The following MSRB3 variants were observed in gnomAD, a reference collection of about 807,000 sequenced individuals.
MSRB3 encodes methionine sulfoxide reductase B3, also known as methionine-R-sulfoxide reductase B3.
Under a neutral mutation model 21.0 loss-of-function variants are expected in MSRB3, and 13 were observed. The observed-to-expected ratio is 0.62, with a 90% CI of 0.40 to 0.98. The LOEUF (loss-of-function observed/expected upper bound fraction) is 0.98. Ranked by LOEUF, MSRB3 falls within the 50% of genes least tolerant of loss-of-function variation. MSRB3 has a pLI of 0.00. For synonymous variants in MSRB3, 87 were observed against 88.6 expected (o/e 0.98, Z 0.10); for missense variants, 199 against 230.3 (o/e 0.86, Z 0.88).
intron 5 of MSRB3, among the ~76,000 whole-genome samples, chr12:65,436,841 A>G (rs531182555): frequency 6.6e-6 from 1 of 151,926 alleles, no homozygotes; most frequent in Admixed American, 6.6e-5. Flanking sequence ...AGGATTTAGA[A>G]GAAAGAATTT....
intron 5 of MSRB3, among the ~76,000 whole-genome samples, chr12:65,398,848 A>G (rs1343557957): frequency 2.0e-5 from 3 of 152,154 alleles, no homozygotes; most frequent in Admixed American, 6.5e-5. Context: ...TCCCAACACC[A>G]TCTATTAAAT....
At chr12:65,287,791 C>A (rs1232904768) in intron 1 of MSRB3, among the ~76,000 whole-genome samples, 3 of 152,068 alleles carry the variant, frequency 2.0e-5, no homozygotes, top group African/African-American at 7.2e-5. Flanking sequence ...CGTGCAGAGC[C>A]ACTTGAAAAA....
intron 1 of MSRB3, among the ~76,000 whole-genome samples, chr12:65,295,057 C>T (rs1044936891): frequency 1.3e-5 from 2 of 152,162 alleles, no homozygotes; most frequent in Non-Finnish European, 2.9e-5. Context: ...TCTTGCACTC[C>T]TGGCCTTAAG....
intron 5 of MSRB3, among the ~76,000 whole-genome samples, chr12:65,369,351 T>G (rs891034824): frequency 1.3e-5 from 2 of 152,194 alleles, no homozygotes; most frequent in Non-Finnish European, 2.9e-5. Context: ...CCTGAGTGAT[T>G]TGAAAATTCT....
At chr12:65,328,742 A>T in intron 4 of MSRB3, 139 bp downstream of exon 4, 3 of 695,618 alleles carry the variant, frequency 4.3e-6, no homozygotes, top group Non-Finnish European at 7.7e-6. Flanking sequence ...CCAACAAAAC[A>T]AAAGTAATTA....
intron 5 of MSRB3, among the ~76,000 whole-genome samples, chr12:65,379,477 A>G (rs1878824411): frequency 6.6e-6 from 1 of 152,156 alleles, no homozygotes; most frequent in Non-Finnish European, 1.5e-5. Flanking sequence ...ATAGATCAAA[A>G]TATAGAACAT....
chr12:65,375,773 C>G (rs1393418103), intron 5 of MSRB3, among the ~76,000 whole-genome samples: 1 of 151,778 alleles, frequency 6.6e-6, no homozygotes, highest in Admixed American at 6.6e-5. Flanking sequence ...TTTTGATTTT[C>G]TTTTGGACAT....
intron 4 of MSRB3, among the ~76,000 whole-genome samples, chr12:65,329,800 T>C (rs1875294159): frequency 6.6e-6 from 1 of 152,218 alleles, no homozygotes. Flanking sequence ...CATTTACTGA[T>C]TTTCCAGAAA....
chr12:65,354,646 A>G (rs1161988644), intron 4 of MSRB3, among the ~76,000 whole-genome samples: 5 of 151,570 alleles, frequency 3.3e-5, no homozygotes, highest in Non-Finnish European at 7.4e-5. Context: ...TTTAAGAAAG[A>G]TCTTTAAGTT....
At chr12:65,436,245 A>G (rs1882110298) in intron 5 of MSRB3, among the ~76,000 whole-genome samples, 1 of 151,892 alleles carries the variant, frequency 6.6e-6, no homozygotes, top group South Asian at 2.1e-4. Context: ...TTTGTCACCA[A>G]TAGAAACCAC....
At chr12:65,416,868 C>T (rs556703888) in intron 5 of MSRB3, among the ~76,000 whole-genome samples, 1 of 152,234 alleles carries the variant, frequency 6.6e-6, no homozygotes, top group Non-Finnish European at 1.5e-5. Context: ...CTTCTATTGC[C>T]AACTCGATAG....
intron 5 of MSRB3, among the ~76,000 whole-genome samples, chr12:65,404,946 A>G (rs570131220): frequency 6.7e-5 from 10 of 148,396 alleles, no homozygotes; most frequent in Non-Finnish European, 1.3e-4. Context: ...CTGATAACTA[A>G]CCTTCTACTC....
chr12:65,278,928 G>A, intron 1 of MSRB3, 63 bp downstream of exon 1: 30 of 1,267,372 alleles, frequency 2.4e-5, no homozygotes, highest in Non-Finnish European at 3.3e-5. Flanking sequence ...ACCCTGCCAC[G>A]TTAGGGTGTG....
At chr12:65,422,118 T>C (rs1881329802) in intron 5 of MSRB3, among the ~76,000 whole-genome samples, 1 of 151,354 alleles carries the variant, frequency 6.6e-6, no homozygotes, top group African/African-American at 2.4e-5. Context: ...CCAACAAAGA[T>C]CAAAAAAGAC....
At chr12:65,326,529 C>A (rs1335127982) in intron 2 of MSRB3, among the ~76,000 whole-genome samples, 4 of 151,948 alleles carry the variant, frequency 2.6e-5, no homozygotes, top group Admixed American at 6.6e-5. Flanking sequence ...TTTCAGGATA[C>A]TGGGAGTTAT....
intron 4 of MSRB3, among the ~76,000 whole-genome samples, chr12:65,365,254 G>A (rs997123085): frequency 2.0e-5 from 3 of 152,084 alleles, no homozygotes; most frequent in African/African-American, 4.8e-5. Flanking sequence ...GGATGCATGA[G>A]ACCCAGTGTG....
intron 1 of MSRB3, among the ~76,000 whole-genome samples, chr12:65,304,418 C>G (rs550824911): frequency 1.3e-5 from 2 of 152,126 alleles, no homozygotes; most frequent in Non-Finnish European, 2.9e-5. Context: ...TTTTAAATGC[C>G]CACTATTTTC....
chr12:65,282,099 C>G (rs996749309), intron 1 of MSRB3: 2 of 152,148 alleles, frequency 1.3e-5, no homozygotes, highest in African/African-American at 4.8e-5. Context: ...GGCAGATCAC[C>G]TGAGGTCAGG....
At chr12:65,329,094 AT>A (rs879304669) in intron 4 of MSRB3, among the ~76,000 whole-genome samples, 35 of 152,364 alleles carry the variant, frequency 2.3e-4, no homozygotes, top group Middle Eastern at 3.4e-3. Context: ...AAATTATGTA[AT>A]ATGAGGTTAA....
Sources: gnomAD v4.1 joint callset for allele counts (sites outside exome capture counted in the v4.1 genomes callset) on GRCh38, gnomAD v4.1.1 for gene constraint, MANE v1.5 for transcripts, NCBI Gene and HGNC (gene_info 2026-07-23, HGNC 2026-07-21) for gene names.